Variants in SLC3A1 observed in about 807,000 individuals in gnomAD.
The protein encoded by SLC3A1 is solute carrier family 3 member 1.
SLC3A1 carries 78 observed loss-of-function variants against 60.3 expected under a neutral mutation model. That is an observed-to-expected ratio of 1.29 (90% CI 1.08 to 1.56). SLC3A1 has a LOEUF of 1.56. Ranked by LOEUF, SLC3A1 falls within the 40% of genes most tolerant of loss-of-function variation. The pLI is 0.00. For synonymous variants in SLC3A1, 392 were observed against 307.9 expected (o/e 1.27, Z -2.86); for missense variants, 1,172 against 858.9 (o/e 1.36, Z -4.56).
At chr2:44,321,864 G>T (rs1305157753), downstream of SLC3A1, 3 of 1,613,640 alleles carry the variant, frequency 1.9e-6, no homozygotes, top group East Asian at 6.7e-5. Flanking sequence ...ATTGCCTCCA[G>T]GCTGAATATC....
chr2:44,321,987 G>C, downstream of SLC3A1: 1 of 1,339,356 alleles, frequency 7.5e-7, no homozygotes, highest in Non-Finnish European at 1.0e-6. Context: ...TCTTCTTTGA[G>C]TACTCAGTTC....
At chr2:44,313,432 G>C (rs1572815994) in intron 8 of SLC3A1, among the ~76,000 whole-genome samples, 1 of 152,096 alleles carries the variant, frequency 6.6e-6, no homozygotes, top group African/African-American at 2.4e-5. Flanking sequence ...CAATAATCAG[G>C]CTGAATAAAC....
chr2:44,300,743 C>T lies in SLC3A1; in HGVS notation c.1012-260C>T, dbSNP rs552966267. ...CATTTTGACAATTACGTGTTGAGAA[C>T]TTTGTAATCAGTGTTTTGCTTGGTA... On this transcript the variant is annotated intron_variant, in intron 5 of 9. Coordinates refer to ENST00000260649, the MANE Select transcript of SLC3A1 (RefSeq NM_000341.4). Among the ~76,000 whole-genome samples, 13 of 152,078 alleles carry T rather than the reference C, an allele frequency of 8.5e-5. No homozygotes were observed. The South Asian group carries it at 1.0e-3, about 12-fold the overall frequency.
At position 44,299,971 on chromosome 2, in the gene SLC3A1, G is replaced by C. The variant is rs1269807972; in HGVS notation, c.892G>C (p.Glu298Gln). The change falls in exon 5 of 10, where the codon GAA (glutamate) becomes CAA (glutamine). Residue 298 changes from glutamate (E) to glutamine (Q), a missense_variant and splice_region_variant. By Grantham distance (29) the Glu-to-Gln change is conservative (BLOSUM62 2). Coordinates refer to ENST00000260649, the MANE Select transcript of SLC3A1 (RefSeq NM_000341.4). ...AAGCATTTTGCTTCTTCATCTTTAG[G>C]AAATTTTACGGTTCTGGCTCACAAA... ...RNPDVQEEIK[E>Q]ILRFWLTKGV... is the part of the protein sequence containing the mutation. The C allele has an allele frequency of 6.2e-7, 1 of 1,614,032 alleles. No homozygotes were observed. The highest frequency in any genetic ancestry group is 2.2e-5 in the East Asian group (1 of 44,870).
chr2:44,310,056 GATA>G (rs1021077044), intron 7 of SLC3A1, among the ~76,000 whole-genome samples: 1 of 152,088 alleles, frequency 6.6e-6, no homozygotes, highest in African/African-American at 2.4e-5. Flanking sequence ...ACCATACCTG[GATA>G]ATTTTTGTAT....
chr2:44,314,811 T>C (rs1473617459), intron 9 of SLC3A1: 1 of 152,064 alleles, frequency 6.6e-6, no homozygotes, highest in South Asian at 2.1e-4. Context: ...TTGATTCTCA[T>C]TATGTCTAAA....
intron 3 of SLC3A1, 61 bp from the exon 4 acceptor site, chr2:44,285,971 A>C: frequency 6.3e-7 from 1 of 1,597,378 alleles, no homozygotes; most frequent in Non-Finnish European, 8.6e-7. Context: ...GAGGGCAATG[A>C]TCTTTATTTG....
chr2:44,310,625 C>G (rs1672270470), intron 7 of SLC3A1, among the ~76,000 whole-genome samples: 1 of 152,008 alleles, frequency 6.6e-6, no homozygotes. Context: ...TTTTGTCCTA[C>G]TTGGAGTTCA....
chr2:44,315,200 C>A (rs1246660931), intron 9 of SLC3A1: 5 of 152,078 alleles, frequency 3.3e-5, no homozygotes, highest in Admixed American at 2.0e-4. Flanking sequence ...ACCTCGGCCT[C>A]CCAAAGTGTT....
chr2:44,299,593 G>A (rs1572803513), intron 4 of SLC3A1, among the ~76,000 whole-genome samples: 1 of 152,196 alleles, frequency 6.6e-6, no homozygotes, highest in Non-Finnish European at 1.5e-5. Context: ...TGCAGTGACA[G>A]TTAAGGAGTT....
At chr2:44,305,874 C>T (rs1405580581) in intron 7 of SLC3A1, among the ~76,000 whole-genome samples, 1 of 152,124 alleles carries the variant, frequency 6.6e-6, no homozygotes, top group Non-Finnish European at 1.5e-5. Flanking sequence ...CACAGGAAGC[C>T]TTCTGGAGCC....
At chr2:44,283,376 A>T (rs1220672802) in intron 3 of SLC3A1, among the ~76,000 whole-genome samples, 1 of 152,172 alleles carries the variant, frequency 6.6e-6, no homozygotes, top group African/African-American at 2.4e-5. Flanking sequence ...AATTGCAATG[A>T]CATTAGCAAA....
rs952441867 is a variant in SLC3A1, at chr2:44,299,220, G to A, written c.892-751G>A. Reference sequence around the variant, plus strand: ...TGCCTGGCTACTTTTTGTATTTTTAGTAGAGACAGGGTTTCATCATGTTGG... The same window carrying A: ...TGCCTGGCTACTTTTTGTATTTTTAATAGAGACAGGGTTTCATCATGTTGG... On this transcript the variant is annotated intron_variant, in intron 4 of 9. Transcript: ENST00000260649. Among the ~76,000 whole-genome samples the A allele has an allele frequency of 2.0e-5, 3 of 151,722 alleles. No homozygotes were observed. In the South Asian group the frequency reaches 6.2e-4, roughly 32 times the overall value.
intron 5 of SLC3A1, among the ~76,000 whole-genome samples, chr2:44,300,553 C>A (rs1438015293): frequency 6.6e-6 from 1 of 152,072 alleles, no homozygotes; most frequent in African/African-American, 2.4e-5. Flanking sequence ...GAAAAATTTA[C>A]TGAAACCCCG....
Position 44,301,023 on chromosome 2 carries a change from G to A in SLC3A1, c.1032G>A (p.Ser344=), listed in dbSNP as rs377573520. ...TQIPDTVTQY[S]ELYHDFTTTQ... is the part of the protein sequence containing the mutation. ...CAAAGGACACGGTCACACAATACTC[G>A]GAGCTGTACCATGACTTCACCACCA... Residue 344 remains serine (S), a synonymous_variant, in exon 6 of 10, where the codon TCG becomes TCA. Coordinates refer to ENST00000260649, the MANE Select transcript of SLC3A1 (RefSeq NM_000341.4). 18 of 1,613,944 alleles carry A rather than the reference G, an allele frequency of 1.1e-5. No homozygotes were observed. Among genetic ancestry groups the A allele is most frequent in the African/African-American group, 9.3e-5 (7 of 74,894 alleles).
intron 9 of SLC3A1, chr2:44,319,902 T>G (rs1004643767): frequency 2.1e-5 from 7 of 335,218 alleles, no homozygotes; most frequent in Non-Finnish European, 2.8e-5. Flanking sequence ...GACATGGACA[T>G]TTGCTTTGGG....
At chr2:44,318,059 A>G (rs1001308297) in intron 9 of SLC3A1, 1 of 428,508 alleles carries the variant, frequency 2.3e-6, no homozygotes, top group Admixed American at 2.7e-5. Context: ...AAATATTTGC[A>G]CATGTGCACA....
At chr2:44,290,974 T>A (rs1245690839) in intron 4 of SLC3A1, among the ~76,000 whole-genome samples, 1 of 152,220 alleles carries the variant, frequency 6.6e-6, no homozygotes, top group African/African-American at 2.4e-5. Context: ...TGTTCCTGGA[T>A]AATTTAATGC....
At chr2:44,312,920 G>T in intron 8 of SLC3A1, 167 bp downstream of exon 8, 1 of 610,520 alleles carries the variant, frequency 1.6e-6, no homozygotes. Context: ...CTTTCTTGGT[G>T]GTCTGAGAGC....
Sources: allele counts gnomAD v4.1 joint callset (sites outside exome capture counted in the v4.1 genomes callset), GRCh38; gene constraint gnomAD v4.1.1; transcripts MANE v1.5; gene names NCBI Gene and HGNC (gene_info 2026-07-23, HGNC 2026-07-21).